Variants in GRID2 observed in about 807,000 individuals in gnomAD.
The protein encoded by GRID2 is glutamate receptor ionotropic, delta-2.
A neutral mutation model predicts 114.8 loss-of-function variants in GRID2; 33 were observed. The observed-to-expected ratio is 0.29, with a 90% CI of 0.22 to 0.38. The LOEUF (loss-of-function observed/expected upper bound fraction) is 0.38, where lower values mean the gene tolerates loss of function less well. Ranked by LOEUF, GRID2 falls within the 10% of genes least tolerant of loss-of-function variation. The pLI is 1.00. For missense variants in GRID2, 1,184 were observed against 1,257.7 expected (o/e 0.94, Z 0.89); for synonymous variants, 505 against 449.9 (o/e 1.12, Z -1.55).
chr4:93,144,906 G>C (rs1736070238), intron 4 of GRID2, among the ~76,000 whole-genome samples: 1 of 152,080 alleles, frequency 6.6e-6, no homozygotes, highest in African/African-American at 2.4e-5. Context: ...AAAGTATCAG[G>C]GAACAGTGGG....
intron 14 of GRID2, among the ~76,000 whole-genome samples, chr4:93,636,437 G>A (rs79150981): frequency 0.087 from 13,221 of 151,616 alleles, 968 homozygotes; most frequent in East Asian, 0.37. Context: ...ACACACATGC[G>A]CACACATACA....
chr4:92,434,995 G>C (rs1184885831), intron 1 of GRID2, among the ~76,000 whole-genome samples: 1 of 152,084 alleles, frequency 6.6e-6, no homozygotes, highest in Non-Finnish European at 1.5e-5. Flanking sequence ...TACTATGAAG[G>C]CTAAATAGAG....
At chr4:92,587,887 G>T (rs1261673696) in intron 1 of GRID2, among the ~76,000 whole-genome samples, 2 of 152,078 alleles carry the variant, frequency 1.3e-5, no homozygotes, top group Non-Finnish European at 2.9e-5. Context: ...AACGTCACCT[G>T]CTATAAAACA....
At chr4:93,152,886 A>C (rs1371432921) in intron 4 of GRID2, among the ~76,000 whole-genome samples, 1 of 152,142 alleles carries the variant, frequency 6.6e-6, no homozygotes, top group Non-Finnish European at 1.5e-5. Flanking sequence ...CCTGATGAAG[A>C]TAAAAAGAAT....
intron 1 of GRID2, among the ~76,000 whole-genome samples, chr4:92,442,480 G>C (rs537224798): frequency 2.0e-4 from 31 of 152,158 alleles, no homozygotes; most frequent in African/African-American, 6.7e-4. Flanking sequence ...CGGTTCAGGC[G>C]TTTGGAAGTT....
At chr4:92,725,968 A>T (rs910874330) in intron 2 of GRID2, among the ~76,000 whole-genome samples, 8 of 152,128 alleles carry the variant, frequency 5.3e-5, no homozygotes, top group Admixed American at 5.2e-4. Flanking sequence ...ACTCTAAAAC[A>T]TGGAAAAAGG....
chr4:92,936,496 C>A (rs1578526909), intron 2 of GRID2, among the ~76,000 whole-genome samples: 1 of 145,546 alleles, frequency 6.9e-6, no homozygotes, highest in African/African-American at 2.4e-5. Flanking sequence ...ACACATTTCC[C>A]ATTGTGAAAA....
At chr4:93,784,415 G>A (rs1000630229) in intron 1 of GRID2, among the ~76,000 whole-genome samples, 1 of 152,092 alleles carries the variant, frequency 6.6e-6, no homozygotes, top group African/African-American at 2.4e-5. Context: ...CCTTCACAGA[G>A]AAGCAGCGTT....
Position 93,638,374 on chromosome 4 carries a change from T to A in GRID2, c.2360+11939T>A, listed in dbSNP as rs1721623425. 5.6e-5 allele frequency among the ~76,000 whole-genome samples: 2 copies of A among 35,678 alleles called. 1 individual carries two copies. The highest frequency in any genetic ancestry group is 5.7e-4 in the African/African-American group (2 of 3,488). 23.4% of individuals were successfully genotyped at this position (35,678 alleles called of 152,430 possible). A position where few individuals can be genotyped will look rare whatever the true frequency, so the allele number is the denominator to read the frequency against. ...GCACATTGTGCAGGTTAGTTACATA[T>A]GTATACATGTGCCATGCTGGTGCGC... On this transcript the variant is annotated intron_variant, in intron 14 of 15. Transcript: ENST00000282020.
chr4:92,737,556 G>A (rs760628154), intron 2 of GRID2, among the ~76,000 whole-genome samples: 1 of 152,064 alleles, frequency 6.6e-6, no homozygotes, highest in Non-Finnish European at 1.5e-5. Flanking sequence ...CTATGGCTAA[G>A]CTACGTCTAA....
At chr4:93,164,511 G>A (rs1278155679) in intron 4 of GRID2, among the ~76,000 whole-genome samples, 1 of 151,996 alleles carries the variant, frequency 6.6e-6, no homozygotes, top group Non-Finnish European at 1.5e-5. Flanking sequence ...ACAAAACCAG[G>A]ACCTTTAAAA....
intron 13 of GRID2, among the ~76,000 whole-genome samples, chr4:93,570,388 T>C (rs78034928): frequency 0.018 from 2,792 of 152,220 alleles, 43 homozygotes; most frequent in East Asian, 0.086. Context: ...AGGTTGATAT[T>C]GAGGAAGGAG....
chr4:92,402,587 A>C (rs886539569), intron 1 of GRID2, among the ~76,000 whole-genome samples: 1 of 152,164 alleles, frequency 6.6e-6, no homozygotes, highest in African/African-American at 2.4e-5. Flanking sequence ...TAATATTTTT[A>C]AAGGAATCTT....
chr4:93,411,123 A>G (rs1359463090), intron 9 of GRID2, among the ~76,000 whole-genome samples: 4 of 152,176 alleles, frequency 2.6e-5, no homozygotes, highest in Non-Finnish European at 5.9e-5. Flanking sequence ...TAACAGCAAA[A>G]TCATAAATAA....
intron 2 of GRID2, among the ~76,000 whole-genome samples, chr4:92,746,848 A>G (rs555851333): frequency 1.9e-4 from 29 of 152,184 alleles, no homozygotes; most frequent in African/African-American, 6.5e-4. Context: ...CACTCTCTCT[A>G]TAGAAAGGTA....
exon 2 of GRID2, chr4:93,808,644 A>G (rs546585691): frequency 4.9e-4 from 75 of 152,332 alleles, no homozygotes; most frequent in African/African-American, 1.5e-3. Flanking sequence ...CCGGAGGACC[A>G]AAACCGGGGC....
intron 2 of GRID2, among the ~76,000 whole-genome samples, chr4:93,049,471 T>C (rs1726483357): frequency 6.6e-6 from 1 of 151,974 alleles, no homozygotes; most frequent in Admixed American, 6.6e-5. Context: ...TGATTTGAAC[T>C]TCATTAGTTT....
At chr4:93,767,572 AG>A (rs1398432491) in intron 14 of GRID2, among the ~76,000 whole-genome samples, 2 of 152,146 alleles carry the variant, frequency 1.3e-5, no homozygotes, top group Admixed American at 1.3e-4. Context: ...ACCAGAGCTG[AG>A]GCTGTGGGAA....
chr4:93,652,641 A>C (rs897916058), intron 14 of GRID2, among the ~76,000 whole-genome samples: 1 of 152,022 alleles, frequency 6.6e-6, no homozygotes, highest in African/African-American at 2.4e-5. Flanking sequence ...AATCACCTAA[A>C]GATACATTTT....
Sources: allele counts gnomAD v4.1 joint callset (sites outside exome capture counted in the v4.1 genomes callset), GRCh38; gene constraint gnomAD v4.1.1; transcripts MANE v1.5; gene names NCBI Gene and HGNC (gene_info 2026-07-23, HGNC 2026-07-21).